ST6GALNAC3: variants seen among roughly 807,000 people sequenced by gnomAD.
The protein encoded by ST6GALNAC3 is alpha-N-acetylgalactosaminide alpha-2,6-sialyltransferase 3.
A neutral mutation model predicts 32.7 loss-of-function variants in ST6GALNAC3; 25 were observed. That is an observed-to-expected ratio of 0.76 (90% CI 0.56 to 1.07). ST6GALNAC3 has a LOEUF of 1.07. ST6GALNAC3 is among the 50% of genes least tolerant of loss of function. The pLI is 0.00. For missense variants in ST6GALNAC3, 355 were observed against 382.4 expected (o/e 0.93, Z 0.60); for synonymous variants, 129 against 133.1 (o/e 0.97, Z 0.21).
chr1:76,327,633 G>T (rs372159450), intron 2 of ST6GALNAC3, among the ~76,000 whole-genome samples: 2 of 152,126 alleles, frequency 1.3e-5, no homozygotes, highest in African/African-American at 4.8e-5. Flanking sequence ...TGTGTCGCCC[G>T]GGCGGGAGGG....
chr1:76,322,456 C>T (rs1431912545), intron 2 of ST6GALNAC3, among the ~76,000 whole-genome samples: 1 of 152,118 alleles, frequency 6.6e-6, no homozygotes, highest in Non-Finnish European at 1.5e-5. Flanking sequence ...ACAATACCAC[C>T]TAGAAGGTGT....
chr1:76,088,574 G>T (rs1646995478), intron 1 of ST6GALNAC3, among the ~76,000 whole-genome samples: 1 of 152,122 alleles, frequency 6.6e-6, no homozygotes, highest in Non-Finnish European at 1.5e-5. Context: ...GGGAATGCCA[G>T]GCAGCTTTCC....
rs143103709 is a variant in ST6GALNAC3 at position 76,086,253 on chromosome 1, A to G, written c.18+11369A>G. On this transcript the variant is annotated intron_variant, in intron 1 of 4. Coordinates refer to ENST00000328299, the MANE Select transcript of ST6GALNAC3 (RefSeq NM_152996.4). ...TGGCTTTGGTTACAAAAGTTAATGC[A>G]TTAGTGCTAGAGTTCACTATCTTAA... 1.3e-3 allele frequency among the ~76,000 whole-genome samples: 201 copies of G among 152,338 alleles called. 1 individual carries two copies. Among genetic ancestry groups the G allele is most frequent in the African/African-American group, 4.7e-3 (197 of 41,580 alleles).
chr1:76,432,596 A>G (rs1445179607), intron 3 of ST6GALNAC3, among the ~76,000 whole-genome samples: 1 of 151,860 alleles, frequency 6.6e-6, no homozygotes, highest in Non-Finnish European at 1.5e-5. Flanking sequence ...CTGGAAATAC[A>G]GGCGTGTGCC....
At chr1:76,590,183 T>G (rs949417926) in intron 3 of ST6GALNAC3, among the ~76,000 whole-genome samples, 2 of 152,204 alleles carry the variant, frequency 1.3e-5, no homozygotes, top group Non-Finnish European at 2.9e-5. Context: ...CTCTTTGTAA[T>G]CAAGACCCAT....
At chr1:76,482,226 C>T (rs1013227902) in intron 3 of ST6GALNAC3, among the ~76,000 whole-genome samples, 1 of 151,956 alleles carries the variant, frequency 6.6e-6, no homozygotes, top group Non-Finnish European at 1.5e-5. Flanking sequence ...AGAGATCTTT[C>T]ATTTTCTGAA....
intron 3 of ST6GALNAC3, among the ~76,000 whole-genome samples, chr1:76,530,488 A>G (rs1663186237): frequency 6.6e-6 from 1 of 152,222 alleles, no homozygotes; most frequent in African/African-American, 2.4e-5. Flanking sequence ...ATAGTAAAAA[A>G]GAATGAAGCC....
intron 1 of ST6GALNAC3, among the ~76,000 whole-genome samples, chr1:76,237,508 G>A (rs1188548145): frequency 6.6e-6 from 1 of 152,164 alleles, no homozygotes; most frequent in Non-Finnish European, 1.5e-5. Flanking sequence ...AAGATGAAAG[G>A]TTTGACATAT....
At chr1:76,489,578 C>T (rs1660359679) in intron 3 of ST6GALNAC3, among the ~76,000 whole-genome samples, 1 of 152,134 alleles carries the variant, frequency 6.6e-6, no homozygotes, top group African/African-American at 2.4e-5. Flanking sequence ...GTCAGAAACA[C>T]AGTCTCAATT....
chr1:76,258,819 G>A (rs1335662265), intron 1 of ST6GALNAC3, among the ~76,000 whole-genome samples: 2 of 152,134 alleles, frequency 1.3e-5, no homozygotes, highest in African/African-American at 2.4e-5. Context: ...CATACAGAAT[G>A]CATCATGTAA....
chr1:76,352,120 G>T (rs1649031224), intron 2 of ST6GALNAC3, among the ~76,000 whole-genome samples: 1 of 152,114 alleles, frequency 6.6e-6, no homozygotes, highest in African/African-American at 2.4e-5. Context: ...AAAAGGTTGA[G>T]AAAAATGTTA....
At chr1:76,228,342 T>G (rs1656187973) in intron 1 of ST6GALNAC3, among the ~76,000 whole-genome samples, 1 of 152,222 alleles carries the variant, frequency 6.6e-6, no homozygotes. Context: ...TCATATATTC[T>G]GGCTGTCCTC....
At position 76,168,790 on chromosome 1, in the gene ST6GALNAC3, G is replaced by C. The variant is rs113251130; in HGVS notation, c.18+93906G>C. ...GTCTGAAACTGAGATTGCAACTCTTGCTTTTTTCTGCTTGGTAGATTTTTC... is the reference window on the plus strand; with the variant it reads ...GTCTGAAACTGAGATTGCAACTCTTCCTTTTTTCTGCTTGGTAGATTTTTC... On this transcript the variant is annotated intron_variant, in intron 1 of 4. Transcript: ENST00000328299. 4.3e-3 allele frequency among the ~76,000 whole-genome samples: 659 copies of C among 151,910 alleles called. 3 individuals are homozygous for C. The highest frequency in any genetic ancestry group is 0.015 in the African/African-American group (624 of 41,452).
At chr1:76,190,244 G>A (rs1653816071) in intron 1 of ST6GALNAC3, among the ~76,000 whole-genome samples, 1 of 152,106 alleles carries the variant, frequency 6.6e-6, no homozygotes, top group African/African-American at 2.4e-5. Flanking sequence ...ATAGGAGGGT[G>A]GAGTAGGATG....
intron 1 of ST6GALNAC3, among the ~76,000 whole-genome samples, chr1:76,193,516 C>T (rs964425268): frequency 6.6e-6 from 1 of 152,106 alleles, no homozygotes; most frequent in Non-Finnish European, 1.5e-5. Context: ...ACTGCTTCCT[C>T]CCTGCCACCC....
At chr1:76,396,395 G>T (rs1652959752) in intron 2 of ST6GALNAC3, among the ~76,000 whole-genome samples, 1 of 152,176 alleles carries the variant, frequency 6.6e-6, no homozygotes, top group Non-Finnish European at 1.5e-5. Flanking sequence ...AGCCCAGGAG[G>T]TAGAGGCTGC....
At chr1:76,470,315 T>C (rs183525545) in intron 3 of ST6GALNAC3, among the ~76,000 whole-genome samples, 3 of 152,116 alleles carry the variant, frequency 2.0e-5, no homozygotes, top group African/African-American at 7.2e-5. Context: ...GAATCACAGC[T>C]TATGGTTGCA....
intron 3 of ST6GALNAC3, among the ~76,000 whole-genome samples, chr1:76,485,516 G>T (rs141456467): frequency 0.043 from 6,515 of 152,240 alleles, 273 homozygotes; most frequent in African/African-American, 0.12. Context: ...GCATAGAGGT[G>T]TTTATAATAT....
intron 3 of ST6GALNAC3, among the ~76,000 whole-genome samples, chr1:76,455,735 CCT>C (rs1233075353): frequency 6.6e-6 from 1 of 152,130 alleles, no homozygotes; most frequent in Non-Finnish European, 1.5e-5. Context: ...GTACTCTGTT[CCT>C]CTTTTACCCC....
Sources: gnomAD v4.1 joint callset for allele counts (sites outside exome capture counted in the v4.1 genomes callset) on GRCh38, gnomAD v4.1.1 for gene constraint, MANE v1.5 for transcripts, NCBI Gene and HGNC (gene_info 2026-07-23, HGNC 2026-07-21) for gene names.